The following ABCG1 variants were observed in gnomAD, a reference collection of about 807,000 sequenced individuals.
ABCG1 encodes the protein ATP-binding cassette sub-family G member 1.
Under a neutral mutation model 69.2 loss-of-function variants are expected in ABCG1, and 29 were observed. That is an observed-to-expected ratio of 0.42 (90% confidence interval 0.31 to 0.57). ABCG1 has a LOEUF of 0.57. ABCG1 is among the 20% of genes least tolerant of loss of function. The pLI, the probability that ABCG1 is intolerant of heterozygous loss-of-function variation, is 0.15. For missense variants in ABCG1, 718 were observed against 898.1 expected (o/e 0.80, Z 2.56); for synonymous variants, 370 against 374.8 (o/e 0.99, Z 0.15).
At chr21:42,239,251 T>A (rs890204810) in intron 2 of ABCG1, among the ~76,000 whole-genome samples, 4 of 152,184 alleles carry the variant, frequency 2.6e-5, no homozygotes, top group Non-Finnish European at 5.9e-5. Flanking sequence ...AAGGAAATAT[T>A]AATAATAAAA....
At chr21:42,281,803 C>G (rs188036573) in intron 5 of ABCG1, among the ~76,000 whole-genome samples, 1 of 152,238 alleles carries the variant, frequency 6.6e-6, no homozygotes, top group East Asian at 1.9e-4. Flanking sequence ...TGCATCCACT[C>G]TTTCAAGTAA....
intron 2 of ABCG1, among the ~76,000 whole-genome samples, chr21:42,255,795 A>G (rs532848012): frequency 7.9e-5 from 12 of 152,278 alleles, no homozygotes; most frequent in African/African-American, 1.7e-4. Flanking sequence ...CCGACTTTCA[A>G]TGAAAATCTC....
chr21:42,245,366 G>C (rs2068116449), intron 2 of ABCG1, among the ~76,000 whole-genome samples: 1 of 152,222 alleles, frequency 6.6e-6, no homozygotes, highest in African/African-American at 2.4e-5. Context: ...CCAGAAAATT[G>C]CATTCTTCTC....
At chr21:42,294,879 T>G in intron 14 of ABCG1, 28 of 521,682 alleles carry the variant, frequency 5.4e-5, no homozygotes, top group East Asian at 1.4e-4. Context: ...AACCAGCGCT[T>G]CACACCCGGA....
exon 2 of ABCG1, chr21:42,201,650 C>A: frequency 1.9e-6 from 3 of 1,600,750 alleles, no homozygotes; most frequent in South Asian, 1.1e-5. Flanking sequence ...CAGGGATCAC[C>A]GACTCTGTGC....
chr21:42,220,644 T>G (rs181193934), intron 1 of ABCG1, among the ~76,000 whole-genome samples: 1 of 152,254 alleles, frequency 6.6e-6, no homozygotes, highest in African/African-American at 2.4e-5. Context: ...TGGGCTGCCC[T>G]GCCTTCCCTG....
intron 2 of ABCG1, among the ~76,000 whole-genome samples, chr21:42,210,632 T>C (rs2067579387): frequency 6.6e-6 from 1 of 152,260 alleles, no homozygotes; most frequent in Non-Finnish European, 1.5e-5. Flanking sequence ...ACTTAATCTA[T>C]GAAATATCTA....
chr21:42,256,258 C>G, intron 2 of ABCG1: 1 of 1,493,600 alleles, frequency 6.7e-7, no homozygotes, highest in Non-Finnish European at 9.0e-7. Flanking sequence ...AGACAGAACA[C>G]TTACCTGCCT....
intron 2 of ABCG1, among the ~76,000 whole-genome samples, chr21:42,202,854 C>A (rs1372455361): frequency 1.3e-5 from 2 of 152,170 alleles, no homozygotes; most frequent in African/African-American, 2.4e-5. Context: ...CTCAAGCGAT[C>A]CTCTGGCCTC....
At chr21:42,237,196 C>A (rs2067989393) in intron 2 of ABCG1, among the ~76,000 whole-genome samples, 1 of 152,240 alleles carries the variant, frequency 6.6e-6, no homozygotes, top group African/African-American at 2.4e-5. Context: ...TTCTTGAGAA[C>A]TATACCTCAA....
At chr21:42,268,715 G>T (rs949014909) in intron 2 of ABCG1, among the ~76,000 whole-genome samples, 2 of 152,198 alleles carry the variant, frequency 1.3e-5, no homozygotes, top group East Asian at 3.8e-4. Context: ...GACCTCTGCA[G>T]CCCCAGTTGT....
At chr21:42,259,209 G>C in intron 2 of ABCG1, 1 of 1,428,166 alleles carries the variant, frequency 7.0e-7, no homozygotes, top group Non-Finnish European at 9.2e-7. Flanking sequence ...AGATGTCGCT[G>C]GTGCTGGGCT....
At chr21:42,216,113 C>T (rs1167271664), upstream of ABCG1, 1 of 450,796 alleles carries the variant, frequency 2.2e-6, no homozygotes, top group Non-Finnish European at 4.4e-6. Context: ...CAAGCTCTCT[C>T]TCTTGTCTGC....
chr21:42,219,902 G>T lies in ABCG1; in HGVS notation c.42+598G>T. On this transcript the variant is annotated intron_variant, in intron 1 of 14. Coordinates refer to ENST00000398449, the MANE Select transcript of ABCG1 (RefSeq NM_016818.3). This position sits in a 1 kb window ranked among gnomAD's most constrained non-coding sequence, Gnocchi z 5.3. The stretch of plus-strand genomic sequence containing the variant: ...GGCGAAGGCCCGGGGAGACCCGCGA[G>T]GGGCAAGCCCGGATTCCTGCCGGCC... 1 of 1,548,022 alleles carries T rather than the reference G, an allele frequency of 6.5e-7. No homozygotes were observed.
intron 2 of ABCG1, among the ~76,000 whole-genome samples, chr21:42,270,152 C>T (rs564532598): frequency 1.1e-4 from 16 of 150,018 alleles, no homozygotes; most frequent in African/African-American, 3.2e-4. Flanking sequence ...ACTAGCTACT[C>T]GGGAGGCTGA....
At chr21:42,208,129 G>A (rs2067557779) in intron 2 of ABCG1, among the ~76,000 whole-genome samples, 1 of 152,126 alleles carries the variant, frequency 6.6e-6, no homozygotes, top group South Asian at 2.1e-4. Flanking sequence ...GGAATGTTTG[G>A]TTGAAGCAGA....
intron 5 of ABCG1, among the ~76,000 whole-genome samples, chr21:42,278,191 A>T (rs539314626): frequency 2.6e-4 from 40 of 152,352 alleles, no homozygotes; most frequent in Admixed American, 2.2e-3. Context: ...CTGGCCCTTC[A>T]TGGGGGCAGA....
At position 42,222,477 on chromosome 21, in the gene ABCG1, C is replaced by T. The variant is rs556456586; in HGVS notation, c.42+3173C>T. The stretch of plus-strand genomic sequence containing the variant: ...ATAATGGACAAGGGCTGAAAGATGC[C>T]GAAACACCCACAACTCACCCGTGGA... On this transcript the variant is annotated intron_variant, in intron 1 of 14. Coordinates refer to ENST00000398449, the MANE Select transcript of ABCG1 (RefSeq NM_016818.3). Among the ~76,000 whole-genome samples the T allele has an allele frequency of 1.4e-4, 22 of 152,130 alleles. 1 individual carries two copies. Among genetic ancestry groups the T allele is most frequent in the South Asian group, 2.1e-4 (1 of 4,824 alleles).
At chr21:42,277,961 C>T (rs974524888) in intron 5 of ABCG1, among the ~76,000 whole-genome samples, 10 of 152,214 alleles carry the variant, frequency 6.6e-5, no homozygotes, top group Admixed American at 6.5e-4. Context: ...CCTCCTCCCC[C>T]ATCAACTGTG....
Sources: gnomAD v4.1 joint callset for allele counts (sites outside exome capture counted in the v4.1 genomes callset) on GRCh38, gnomAD v4.1.1 for gene constraint, Gnocchi (gnomAD v3.1) non-coding constraint, MANE v1.5 for transcripts, NCBI Gene and HGNC (gene_info 2026-07-23, HGNC 2026-07-21) for gene names.